The following PTPRD variants were observed in gnomAD, a reference collection of about 807,000 sequenced individuals.
PTPRD encodes the protein protein tyrosine phosphatase receptor type D, also known as receptor-type tyrosine-protein phosphatase delta.
Under a neutral mutation model 214.5 loss-of-function variants are expected in PTPRD, and 34 were observed. That is an observed-to-expected ratio of 0.16 (90% CI 0.12 to 0.21). PTPRD has a LOEUF of 0.21. PTPRD is among the 10% of genes least tolerant of loss of function. The pLI is 1.00. For missense variants in PTPRD, 2,545 were observed against 2,398.7 expected, an observed-to-expected ratio of 1.06 and a Z score of -1.27; for synonymous variants, 1,128 against 845.7, an observed-to-expected ratio of 1.33 and a Z score of -5.79.
At chr9:9,619,529 C>A (rs989307259) in intron 7 of PTPRD, among the ~76,000 whole-genome samples, 120 of 144,858 alleles carry the variant, frequency 8.3e-4, no homozygotes, top group African/African-American at 2.9e-3. Context: ...ATATAAATGA[C>A]TATATTTATA....
intron 8 of PTPRD, among the ~76,000 whole-genome samples, chr9:9,480,186 T>C (rs2095345049): frequency 6.6e-6 from 1 of 152,174 alleles, no homozygotes; most frequent in South Asian, 2.1e-4. Context: ...GGTGCATGGA[T>C]AAAATGTGAA....
At chr9:9,933,844 A>C (rs1337806691) in intron 5 of PTPRD, among the ~76,000 whole-genome samples, 30 of 149,460 alleles carry the variant, frequency 2.0e-4, no homozygotes, top group Admixed American at 9.9e-4. Flanking sequence ...GTCTCCTCAG[A>C]AAATGTAAAA....
chr9:10,497,691 A>C (rs1403137996), intron 2 of PTPRD, among the ~76,000 whole-genome samples: 1 of 152,040 alleles, frequency 6.6e-6, no homozygotes, highest in African/African-American at 2.4e-5. Context: ...ATTGTTGAGA[A>C]TATAAAATTA....
intron 11 of PTPRD, among the ~76,000 whole-genome samples, chr9:9,006,121 T>A (rs1459690711): frequency 1.3e-5 from 2 of 151,996 alleles, no homozygotes; most frequent in Admixed American, 1.3e-4. Context: ...TGCAACTGAT[T>A]CATTGAAGAC....
chr9:8,905,179 T>C (rs2098699044), intron 11 of PTPRD, among the ~76,000 whole-genome samples: 1 of 152,192 alleles, frequency 6.6e-6, no homozygotes, highest in Non-Finnish European at 1.5e-5. Flanking sequence ...TGCAAATCAA[T>C]CCAATGTTTA....
chr9:10,309,356 G>C (rs685306), intron 3 of PTPRD, among the ~76,000 whole-genome samples: 2 of 150,786 alleles, frequency 1.3e-5, no homozygotes, highest in African/African-American at 4.9e-5. Context: ...TTGTTTTGTT[G>C]TGTTGTGTTT....
rs539114637 is a variant in PTPRD at position 8,504,491 on chromosome 9, A to G, written c.1678-86T>C. The G allele has an allele frequency of 8.3e-6, 12 of 1,439,440 alleles. No homozygotes were observed. The South Asian group carries it at 1.1e-4, about 13-fold the overall frequency. The allele number at this position is 1,439,440 out of a possible 1,614,324, so 89.2% of individuals were successfully genotyped here. ...ATACTGTCTGGACCATCAGATTTCT[A>G]TCATCAGGATTATAATCTCATCAAA... is the stretch of plus-strand genomic sequence containing the variant. On this transcript the variant is annotated intron_variant, in intron 22 of 45. Transcript: ENST00000381196.
chr9:9,092,133 C>G (rs1022660578), intron 10 of PTPRD, among the ~76,000 whole-genome samples: 2 of 152,146 alleles, frequency 1.3e-5, no homozygotes, highest in African/African-American at 4.8e-5. Flanking sequence ...CTATTGTTAC[C>G]AACATGCTAC....
At chr9:10,523,601 G>GGATATATATATATATATATATATA (rs2053132751) in intron 2 of PTPRD, among the ~76,000 whole-genome samples, 1 of 64,336 alleles carries the variant, frequency 1.6e-5, no homozygotes, top group South Asian at 7.5e-4. Context: ...ATATTTATCT[G>GGATATATATATATATATATATATA]TATATATATA....
At chr9:8,621,981 T>C (rs2095840904) in intron 14 of PTPRD, among the ~76,000 whole-genome samples, 1 of 151,942 alleles carries the variant, frequency 6.6e-6, no homozygotes, top group South Asian at 2.1e-4. Context: ...AAATATTTTA[T>C]TACAAAAATC....
intron 8 of PTPRD, among the ~76,000 whole-genome samples, chr9:9,536,398 G>C (rs2154268449): frequency 6.6e-6 from 1 of 152,082 alleles, no homozygotes; most frequent in South Asian, 2.1e-4. Flanking sequence ...AATAGAATTT[G>C]CATATTAAAG....
At chr9:9,778,671 G>A (rs1226348994) in intron 5 of PTPRD, among the ~76,000 whole-genome samples, 1 of 152,046 alleles carries the variant, frequency 6.6e-6, no homozygotes, top group Non-Finnish European at 1.5e-5. Context: ...TGTAGCCTTA[G>A]CAGCCCAGCC....
Position 9,048,252 on chromosome 9 carries a change from A to C in PTPRD, c.-142-29517T>G, listed in dbSNP as rs181081223. Among the ~76,000 whole-genome samples, 52 of 152,280 alleles carry C rather than the reference A, an allele frequency of 3.4e-4. No individual in the cohort carries two copies. The East Asian group carries it at 9.9e-3, about 29-fold the overall frequency. ...ACAGAGAGCAGTTTGGAGGTTCCTC[A>C]AAAAACTAAAAATAGAGCTAACACA... On this transcript the variant is annotated intron_variant, in intron 10 of 45. Transcript: ENST00000381196.
intron 8 of PTPRD, among the ~76,000 whole-genome samples, chr9:9,414,509 G>T (rs968509106): frequency 2.0e-5 from 3 of 152,280 alleles, no homozygotes; most frequent in East Asian, 3.9e-4. Flanking sequence ...TTCCTGGTAC[G>T]TTTAGTCCAG....
chr9:9,180,582 A>C (rs2099927643), intron 10 of PTPRD, among the ~76,000 whole-genome samples: 1 of 152,070 alleles, frequency 6.6e-6, no homozygotes, highest in Non-Finnish European at 1.5e-5. Context: ...ATGTACTCTA[A>C]AACTTAAAGT....
intron 8 of PTPRD, among the ~76,000 whole-genome samples, chr9:9,503,016 G>A (rs369496974): frequency 1.3e-5 from 2 of 151,880 alleles, no homozygotes; most frequent in Admixed American, 6.6e-5. Context: ...AGGTTAATAT[G>A]TTTGTTAAAA....
intron 7 of PTPRD, among the ~76,000 whole-genome samples, chr9:9,643,146 G>A (rs1326764): frequency 0.019 from 2,827 of 152,238 alleles, 85 homozygotes; most frequent in African/African-American, 0.065. Context: ...TACTTCCTCA[G>A]GGAATCTTGA....
At chr9:10,233,397 G>A (rs565010096) in intron 3 of PTPRD, among the ~76,000 whole-genome samples, 55 of 151,948 alleles carry the variant, frequency 3.6e-4, no homozygotes, top group African/African-American at 1.1e-3. Flanking sequence ...CTAAAGAGGC[G>A]GATGTTTTGA....
At chr9:9,029,691 A>G (rs2154375521) in intron 10 of PTPRD, among the ~76,000 whole-genome samples, 1 of 152,012 alleles carries the variant, frequency 6.6e-6, no homozygotes, top group Non-Finnish European at 1.5e-5. Context: ...GGAGAGGGTT[A>G]TAAGTCCTGG....
Sources: gnomAD v4.1 joint callset for allele counts (sites outside exome capture counted in the v4.1 genomes callset) on GRCh38, gnomAD v4.1.1 for gene constraint, MANE v1.5 for transcripts, NCBI Gene and HGNC (gene_info 2026-07-23, HGNC 2026-07-21) for gene names.